IL1RAPL2: variants seen among roughly 807,000 people sequenced by gnomAD.
IL1RAPL2 encodes X-linked interleukin-1 receptor accessory protein-like 2.
Under a neutral mutation model 44.1 loss-of-function variants are expected in IL1RAPL2, and 3 were observed. That is an observed-to-expected ratio of 0.07 (90% CI 0.03 to 0.18). The LOEUF (loss-of-function observed/expected upper bound fraction) is 0.18, where lower values mean the gene tolerates loss of function less well. Ranked by LOEUF, IL1RAPL2 falls within the 10% of genes least tolerant of loss-of-function variation. IL1RAPL2 has a pLI of 1.00. For synonymous variants in IL1RAPL2, 181 were observed against 178.8 expected, an observed-to-expected ratio of 1.01 and a Z score of -0.10; for missense variants, 391 against 496.4, an observed-to-expected ratio of 0.79 and a Z score of 2.02.
chrX:105,020,273 C>G (rs1365360397), intron 2 of IL1RAPL2, among the ~76,000 whole-genome samples: 2 of 111,552 alleles, frequency 1.8e-5, no homozygotes, highest in Non-Finnish European at 3.8e-5. Context: ...GCGTGTATCA[C>G]TGGGCCCGAC....
intron 2 of IL1RAPL2, among the ~76,000 whole-genome samples, chrX:104,672,795 G>A (rs1420507810): frequency 1.8e-5 from 2 of 109,339 alleles, no homozygotes; most frequent in Non-Finnish European, 3.8e-5. Flanking sequence ...CATTCTAACT[G>A]GTGTGAGATG....
chrX:105,284,144 A>T (rs1010662164), intron 5 of IL1RAPL2, among the ~76,000 whole-genome samples: 2 of 111,555 alleles, frequency 1.8e-5, no homozygotes, highest in Non-Finnish European at 3.8e-5. Flanking sequence ...CATTATTGCT[A>T]ATCTTTACCA....
At chrX:104,978,170 A>G (rs186134674) in intron 2 of IL1RAPL2, among the ~76,000 whole-genome samples, 39 of 112,330 alleles carry the variant, frequency 3.5e-4, no homozygotes, top group African/African-American at 1.2e-3. Context: ...AAGGACATGT[A>G]AAACAATGTT....
At chrX:104,951,476 A>G (rs1925584305) in intron 2 of IL1RAPL2, among the ~76,000 whole-genome samples, 1 of 112,487 alleles carries the variant, frequency 8.9e-6, no homozygotes, top group African/African-American at 3.2e-5. Flanking sequence ...TTCATATTCA[A>G]CTTTCTGAGC....
chrX:105,561,198 G>A (rs2036934173), intron 6 of IL1RAPL2, among the ~76,000 whole-genome samples: 1 of 111,174 alleles, frequency 9.0e-6, no homozygotes, highest in Non-Finnish European at 1.9e-5. Context: ...CTGAGAGATG[G>A]GACACACTTA....
At chrX:104,843,661 C>G (rs762843659) in intron 2 of IL1RAPL2, among the ~76,000 whole-genome samples, 12 of 109,505 alleles carry the variant, frequency 1.1e-4, no homozygotes, top group Non-Finnish European at 2.1e-4. Context: ...ACCCCAGCTC[C>G]TTGCGCTTCC....
chrX:104,880,650 T>G (rs1381922107), intron 2 of IL1RAPL2, among the ~76,000 whole-genome samples: 1 of 111,903 alleles, frequency 8.9e-6, no homozygotes, highest in East Asian at 2.8e-4. Context: ...TTGCATATAA[T>G]AAACTAATTA....
intron 1 of IL1RAPL2, among the ~76,000 whole-genome samples, chrX:104,599,650 G>GCACACA (rs35769134): frequency 0.027 from 2,330 of 86,127 alleles, 52 homozygotes; most frequent in Admixed American, 0.046. Flanking sequence ...GATGGATTTA[G>GCACACA]CACACACACA....
chrX:105,740,924 G>A (rs932081217), intron 8 of IL1RAPL2, among the ~76,000 whole-genome samples: 10 of 111,496 alleles, frequency 9.0e-5, no homozygotes, highest in African/African-American at 3.3e-4. Flanking sequence ...TAAATCCAGT[G>A]ATATAAATTG....
chrX:104,837,698 G>A (rs1921778278), intron 2 of IL1RAPL2, among the ~76,000 whole-genome samples: 1 of 111,848 alleles, frequency 8.9e-6, no homozygotes, highest in African/African-American at 3.3e-5. Context: ...CCTGATGCTA[G>A]TTTCTTTTGC....
chrX:105,332,921 G>C (rs1232515822), intron 5 of IL1RAPL2, among the ~76,000 whole-genome samples: 1 of 111,502 alleles, frequency 9.0e-6, no homozygotes, highest in East Asian at 2.8e-4. Context: ...AATCAATATT[G>C]TTAGAATGTC....
chrX:104,577,052 A>C (rs1928256292), intron 1 of IL1RAPL2, among the ~76,000 whole-genome samples: 1 of 112,024 alleles, frequency 8.9e-6, no homozygotes, highest in Non-Finnish European at 1.9e-5. Flanking sequence ...CTTGCCTTTG[A>C]CTTTACTTTC....
chrX:104,677,822 GA>G (rs1234916505), intron 2 of IL1RAPL2, among the ~76,000 whole-genome samples: 1 of 112,138 alleles, frequency 8.9e-6, no homozygotes, highest in Non-Finnish European at 1.9e-5. Context: ...AAGCTCGTCG[GA>G]AAAGCGCGGT....
intron 2 of IL1RAPL2, among the ~76,000 whole-genome samples, chrX:104,905,077 G>GT (rs1479302081): frequency 1.6e-4 from 18 of 111,227 alleles, no homozygotes; most frequent in African/African-American, 5.9e-4. Context: ...TTTTTCATGT[G>GT]TTTTTTGGCT....
intron 2 of IL1RAPL2, among the ~76,000 whole-genome samples, chrX:104,952,183 T>A (rs1480761271): frequency 1.8e-5 from 2 of 112,348 alleles, no homozygotes; most frequent in Non-Finnish European, 3.8e-5. Context: ...ATAAAATGTA[T>A]TTTGAGGAAA....
rs2038538610 is a variant in IL1RAPL2 at position 105,746,033 on chromosome X, T to C, written c.1049-2927T>C. ...TGGGGGTTAGGTTACAACATATGCA[T>C]TTTGAACAAACATTCAGACCATGAC... is the stretch of plus-strand genomic sequence containing the variant. On this transcript the variant is annotated intron_variant, in intron 8 of 10. Transcript: ENST00000372582. Among the ~76,000 whole-genome samples, 5 of 111,948 alleles carry C rather than the reference T, an allele frequency of 4.5e-5. No individual in the cohort carries two copies. In the South Asian group the frequency reaches 1.9e-3, roughly 42 times the overall value.
chrX:105,740,246 A>T, intron 7 of IL1RAPL2, among the ~76,000 whole-genome samples: 1 of 111,951 alleles, frequency 8.9e-6, no homozygotes, highest in Non-Finnish European at 1.9e-5. Context: ...GGATCAACAA[A>T]ATTGATAGAC....
chrX:105,722,483 T>C (rs1310680642), intron 7 of IL1RAPL2, among the ~76,000 whole-genome samples: 1 of 111,374 alleles, frequency 9.0e-6, no homozygotes, highest in Non-Finnish European at 1.9e-5. Context: ...GCACAGCAAA[T>C]TGGAACAAAT....
In IL1RAPL2 at chrX:104,864,508, C is replaced by T. The variant is rs545838696; in HGVS notation, c.82+205513C>T. On this transcript the variant is annotated intron_variant, in intron 2 of 10. Coordinates refer to ENST00000372582, the MANE Select transcript of IL1RAPL2 (RefSeq NM_017416.2). ...TCTGGACTGTTTACTCAGTTGGATT[C>T]GGAACATGTCGTGATGGTTAATATT... Among the ~76,000 whole-genome samples, 33 of 111,948 alleles carry T rather than the reference C, an allele frequency of 2.9e-4. 1 individual carries two copies. In the Middle Eastern group the frequency reaches 0.019, roughly 63 times the overall value.
Sources: allele counts gnomAD v4.1 joint callset (sites outside exome capture counted in the v4.1 genomes callset), GRCh38; gene constraint gnomAD v4.1.1; transcripts MANE v1.5; gene names NCBI Gene and HGNC (gene_info 2026-07-23, HGNC 2026-07-21).